The following ULK4 variants were observed in gnomAD, a reference collection of about 807,000 sequenced individuals.
The protein encoded by ULK4 is inactive serine/threonine-protein kinase ULK4.
Under a neutral mutation model 160.6 loss-of-function variants are expected in ULK4, and 133 were observed. The ratio of observed to expected loss-of-function variants is 0.83; its 90% CI spans 0.72 to 0.96. ULK4 has a LOEUF of 0.96. ULK4 is among the 40% of genes least tolerant of loss of function. The probability of loss-of-function intolerance (pLI) is 0.00; values close to 1 mark genes in which losing one functional copy is unlikely to be tolerated. For synonymous variants in ULK4, 534 were observed against 539.8 expected (o/e 0.99, Z 0.15); for missense variants, 1,580 against 1,499.5 (o/e 1.05, Z -0.89).
At chr3:41,442,848 T>C (rs1209790982) in intron 34 of ULK4, among the ~76,000 whole-genome samples, 1 of 152,190 alleles carries the variant, frequency 6.6e-6, no homozygotes, top group Non-Finnish European at 1.5e-5. Context: ...ACGTGAAACA[T>C]TAAAAACATG....
chr3:41,369,904 A>AG (rs200488244), intron 35 of ULK4, among the ~76,000 whole-genome samples: 1,686 of 152,072 alleles, frequency 0.011, 16 homozygotes, highest in Non-Finnish European at 0.017. Flanking sequence ...CCAGGAAAAA[A>AG]GAAAAAAAAA....
intron 19 of ULK4, among the ~76,000 whole-genome samples, chr3:41,815,319 C>A (rs1302273530): frequency 6.6e-6 from 1 of 152,158 alleles, no homozygotes; most frequent in Non-Finnish European, 1.5e-5. Flanking sequence ...TTTGTTCCAT[C>A]TGTTTTGTAT....
At chr3:41,533,890 C>T (rs537575994) in intron 32 of ULK4, among the ~76,000 whole-genome samples, 123 of 152,324 alleles carry the variant, frequency 8.1e-4, no homozygotes, top group Admixed American at 1.4e-3. Flanking sequence ...TCACTGCAAG[C>T]TCCGCCTCCT....
At chr3:41,688,096 C>T (rs2036157945) in intron 27 of ULK4, 1 of 152,286 alleles carries the variant, frequency 6.6e-6, no homozygotes, top group Non-Finnish European at 1.5e-5. Context: ...CAGACTCTGT[C>T]AGACTAAATA....
intron 32 of ULK4, among the ~76,000 whole-genome samples, chr3:41,502,184 A>C (rs1439673667): frequency 6.6e-6 from 1 of 152,254 alleles, no homozygotes; most frequent in Non-Finnish European, 1.5e-5. Context: ...CTTTTGGCAC[A>C]TGAATTTCAT....
chr3:41,703,189 C>G (rs2036743329), intron 27 of ULK4, among the ~76,000 whole-genome samples: 1 of 151,920 alleles, frequency 6.6e-6, no homozygotes, highest in African/African-American at 2.4e-5. Context: ...TAATAAATTA[C>G]TTGATGAACA....
chr3:41,734,147 C>A (rs889821845), intron 22 of ULK4, among the ~76,000 whole-genome samples: 1 of 151,978 alleles, frequency 6.6e-6, no homozygotes. Context: ...AGTGTCAGAG[C>A]AAATAAGAGA....
At chr3:41,944,457 A>G (rs886359267) in intron 2 of ULK4, among the ~76,000 whole-genome samples, 2 of 152,084 alleles carry the variant, frequency 1.3e-5, no homozygotes, top group Non-Finnish European at 2.9e-5. Flanking sequence ...GTAATTTCAG[A>G]TGTCAGGAGT....
intron 30 of ULK4, among the ~76,000 whole-genome samples, chr3:41,638,765 C>T (rs1383360929): frequency 6.6e-6 from 1 of 152,204 alleles, no homozygotes; most frequent in Non-Finnish European, 1.5e-5. Context: ...AGAAGATTTG[C>T]TGTTGAGACA....
intron 32 of ULK4, among the ~76,000 whole-genome samples, chr3:41,502,559 A>G (rs1384602029): frequency 1.3e-5 from 2 of 152,250 alleles, no homozygotes; most frequent in African/African-American, 4.8e-5. Context: ...AATGTCCACC[A>G]GCTGGGAAAT....
At chr3:41,403,494 T>C (rs2082227709) in intron 34 of ULK4, among the ~76,000 whole-genome samples, 1 of 152,214 alleles carries the variant, frequency 6.6e-6, no homozygotes, top group African/African-American at 2.4e-5. Context: ...TCTTTGTCAG[T>C]TGGATAGAGG....
At chr3:41,546,642 A>T (rs964768288) in intron 32 of ULK4, among the ~76,000 whole-genome samples, 1 of 151,108 alleles carries the variant, frequency 6.6e-6, no homozygotes, top group African/African-American at 2.4e-5. Flanking sequence ...TATGAAACTC[A>T]CTCCTCTCTT....
chr3:41,860,312 T>C (rs1353718882), intron 17 of ULK4, among the ~76,000 whole-genome samples: 1 of 152,180 alleles, frequency 6.6e-6, no homozygotes, highest in African/African-American at 2.4e-5. Context: ...CGTCCAATGC[T>C]GAAAATGGGG....
intron 22 of ULK4, among the ~76,000 whole-genome samples, chr3:41,749,207 G>A (rs1323314384): frequency 6.6e-6 from 1 of 152,192 alleles, no homozygotes; most frequent in Non-Finnish European, 1.5e-5. Context: ...TGTGGGCAGG[G>A]AGCGGTGGCT....
rs766127395 is a variant in ULK4 at position 41,705,101 on chromosome 3, C to T, written c.2737G>A (p.Ala913Thr). 3.2e-5 allele frequency: 52 copies of T among 1,613,832 alleles called. No individual in the cohort carries two copies. The highest frequency in any genetic ancestry group is 4.4e-5 in the Non-Finnish European group (52 of 1,179,950). Reference protein sequence around the residue: ...FIKITLSAFEAIIQYPILLKD... With the variant: ...FIKITLSAFETIIQYPILLKD... Reference sequence around the variant, plus strand: ...AATAAAATAGGATACTGTATTATTGCTTCAAAAGCTGACAATGTGATCTTG... The same window carrying T: ...AATAAAATAGGATACTGTATTATTGTTTCAAAAGCTGACAATGTGATCTTG... The change falls in exon 27 of 37, where the codon GCA (alanine) becomes ACA (threonine). Residue 913 changes from alanine to threonine, a missense_variant. Physicochemically the swap from Ala to Thr is moderately conservative, Grantham distance 58. Transcript: ENST00000301831.
At chr3:41,936,175 G>A (rs1419487843) in intron 3 of ULK4, among the ~76,000 whole-genome samples, 3 of 152,162 alleles carry the variant, frequency 2.0e-5, no homozygotes, top group Non-Finnish European at 4.4e-5. Flanking sequence ...ATGGATGAAT[G>A]GTGAGAAGCA....
intron 17 of ULK4, 92 bp downstream of exon 17, chr3:41,883,782 G>C: frequency 1.5e-5 from 1 of 65,578 alleles, no homozygotes; most frequent in Non-Finnish European, 4.4e-5. Flanking sequence ...GAAAAAACAA[G>C]TGAAGGTCGG....
chr3:41,603,915 C>CT (rs2032241932), intron 31 of ULK4, among the ~76,000 whole-genome samples: 1 of 152,076 alleles, frequency 6.6e-6, no homozygotes, highest in Non-Finnish European at 1.5e-5. Flanking sequence ...AAAAATAATA[C>CT]TTCCCTATAC....
chr3:41,306,434 G>A (rs1339427309), intron 35 of ULK4, among the ~76,000 whole-genome samples: 1 of 145,908 alleles, frequency 6.9e-6, no homozygotes, highest in Non-Finnish European at 1.5e-5. Flanking sequence ...GAAGTGAGGA[G>A]CCCCTCTGCC....
Sources: allele counts gnomAD v4.1 joint callset (sites outside exome capture counted in the v4.1 genomes callset), GRCh38; gene constraint gnomAD v4.1.1; transcripts MANE v1.5; gene names NCBI Gene and HGNC (gene_info 2026-07-23, HGNC 2026-07-21).